The following GADL1 variants were observed in gnomAD, a reference collection of about 807,000 sequenced individuals.
GADL1 encodes the protein acidic amino acid decarboxylase GADL1.
GADL1 carries 71 observed loss-of-function variants against 69.5 expected under a neutral mutation model. That is an observed-to-expected ratio of 1.02 (90% CI 0.84 to 1.25). The LOEUF is 1.25. Among genes scored for constraint, GADL1 ranks in the 50% most tolerant of loss-of-function variants. The probability of loss-of-function intolerance (pLI) is 0.00; values close to 1 mark genes in which losing one functional copy is unlikely to be tolerated. For synonymous variants in GADL1, 254 were observed against 214.4 expected (o/e 1.18, Z -1.62); for missense variants, 737 against 631.8 (o/e 1.17, Z -1.79).
At chr3:30,839,788 T>G (rs1036783938) in intron 8 of GADL1, among the ~76,000 whole-genome samples, 6 of 152,130 alleles carry the variant, frequency 3.9e-5, no homozygotes, top group African/African-American at 1.4e-4. Flanking sequence ...GACTGCATCT[T>G]GTGGCATGAA....
Position 30,771,955 on chromosome 3 carries a change from AAG to A in GADL1, c.1392+6222_1392+6223del, listed in dbSNP as rs776974630. ...ATTCAGGAAATAAATGGGGCAAGGAAAGAGATACTGAAGCCCTCCCTAAAATC... is the reference window on the plus strand; with the variant it reads ...ATTCAGGAAATAAATGGGGCAAGGAAAGATACTGAAGCCCTCCCTAAAATC... On this transcript the variant is annotated intron_variant, in intron 14 of 14. Transcript: ENST00000282538. Among the ~76,000 whole-genome samples, 65 of 152,320 alleles carry A rather than the reference AAG, an allele frequency of 4.3e-4. No individual in the cohort carries two copies. The Middle Eastern group carries it at 0.017, about 40-fold the overall frequency.
intron 14 of GADL1, among the ~76,000 whole-genome samples, chr3:30,752,318 CCTAT>C (rs1277898273): frequency 7.0e-6 from 1 of 142,314 alleles, no homozygotes; most frequent in Admixed American, 6.8e-5. Flanking sequence ...GTTGTAGGGG[CCTAT>C]CTCTCTTGCT....
intron 14 of GADL1, among the ~76,000 whole-genome samples, chr3:30,762,171 T>C (rs1414912948): frequency 6.6e-6 from 1 of 152,090 alleles, no homozygotes; most frequent in African/African-American, 2.4e-5. Flanking sequence ...TCAATGGCTG[T>C]TTATGCAAGG....
At position 30,809,008 on chromosome 3, in the gene GADL1, T is replaced by A. The variant is rs559841465; in HGVS notation, c.1051-7920A>T. On this transcript the variant is annotated intron_variant, in intron 11 of 14. Coordinates refer to ENST00000282538, the MANE Select transcript of GADL1 (RefSeq NM_207359.3). ...ACGGTGGTGGAGAGTGTGCTTCATA[T>A]ACTCAACTCTACTGTAAGAGCTATT... Among the ~76,000 whole-genome samples the A allele has an allele frequency of 2.6e-5, 4 of 152,302 alleles. No homozygotes were observed. In the South Asian group the frequency reaches 8.3e-4, roughly 32 times the overall value.
chr3:30,765,036 C>CTTTT (rs3043001), intron 14 of GADL1, among the ~76,000 whole-genome samples: 66,123 of 151,494 alleles, frequency 0.44, 14,472 homozygotes, highest in African/African-American at 0.45. Flanking sequence ...TGCAAATTGA[C>CTTTT]TTTTTCCTTC....
At chr3:30,839,511 TCTCA>T (rs1004892890) in intron 8 of GADL1, among the ~76,000 whole-genome samples, 1 of 45,020 alleles carries the variant, frequency 2.2e-5, no homozygotes, top group African/African-American at 6.0e-4. Flanking sequence ...ATTGTCATCT[TCTCA>T]AAAAAAAAAA....
At chr3:30,800,840 CA>C in intron 12 of GADL1, 48 bp downstream of exon 12, 1 of 1,265,028 alleles carries the variant, frequency 7.9e-7, no homozygotes, top group Non-Finnish European at 1.1e-6. Flanking sequence ...CACACACACA[CA>C]CACACACACA....
intron 14 of GADL1, among the ~76,000 whole-genome samples, chr3:30,760,806 T>TA (rs1553636337): frequency 1.3e-5 from 2 of 152,062 alleles, no homozygotes; most frequent in African/African-American, 4.8e-5. Context: ...TTTCTTCAGG[T>TA]GGGGGCAGGG....
At chr3:30,826,455 G>GGT (rs1455993183) in intron 11 of GADL1, among the ~76,000 whole-genome samples, 3 of 151,768 alleles carry the variant, frequency 2.0e-5, no homozygotes, top group Non-Finnish European at 4.4e-5. Context: ...ACACCCTCAG[G>GGT]GTTCTGCACA....
chr3:30,796,781 C>T (rs541364761), intron 12 of GADL1, among the ~76,000 whole-genome samples: 3 of 152,194 alleles, frequency 2.0e-5, no homozygotes, highest in African/African-American at 7.2e-5. Flanking sequence ...CTTAAATTAC[C>T]TTTGTTTATA....
intron 12 of GADL1, chr3:30,799,750 C>A (rs554536812): frequency 5.3e-5 from 8 of 152,306 alleles, no homozygotes; most frequent in African/African-American, 1.9e-4. Flanking sequence ...TCCAAGTCAC[C>A]TCTTGAATGC....
intron 14 of GADL1, among the ~76,000 whole-genome samples, chr3:30,776,321 CT>C (rs1028409876): frequency 2.6e-5 from 4 of 152,180 alleles, no homozygotes; most frequent in Non-Finnish European, 2.9e-5. Context: ...CTCTACCCTA[CT>C]AAAAAATGTC....
At chr3:30,755,170 AAACT>A (rs927493702) in intron 14 of GADL1, among the ~76,000 whole-genome samples, 5 of 152,154 alleles carry the variant, frequency 3.3e-5, no homozygotes, top group African/African-American at 1.2e-4. Flanking sequence ...CCCACCACAA[AAACT>A]AACCTGTACC....
At chr3:30,832,981 T>C (rs2125523197) in intron 11 of GADL1, among the ~76,000 whole-genome samples, 1 of 152,130 alleles carries the variant, frequency 6.6e-6, no homozygotes, top group African/African-American at 2.4e-5. Flanking sequence ...TAAAAAGTTG[T>C]AAATAGCTAC....
In GADL1 at chr3:30,785,698, A is replaced by G. The variant is rs151261631; in HGVS notation, c.1302+657T>C. On this transcript the variant is annotated intron_variant, in intron 13 of 14. Transcript: ENST00000282538. ...CAGCTACATTTCTTATGTATAGCACAGGTTCCAAGACTGGAATCTCTAGGT... is the reference window on the plus strand; with the variant it reads ...CAGCTACATTTCTTATGTATAGCACGGGTTCCAAGACTGGAATCTCTAGGT... Among the ~76,000 whole-genome samples, 805 of 152,346 alleles carry G rather than the reference A, an allele frequency of 5.3e-3. 5 individuals are homozygous for G. Among genetic ancestry groups the G allele is most frequent in the African/African-American group, 0.018 (765 of 41,588 alleles).
intron 6 of GADL1, among the ~76,000 whole-genome samples, chr3:30,847,074 C>T (rs1698071570): frequency 6.6e-6 from 1 of 152,276 alleles, no homozygotes; most frequent in South Asian, 2.1e-4. Flanking sequence ...TATACAGGAA[C>T]TTTACAAACA....
chr3:30,810,234 G>C (rs1006582810), intron 11 of GADL1, among the ~76,000 whole-genome samples: 1 of 152,190 alleles, frequency 6.6e-6, no homozygotes, highest in Non-Finnish European at 1.5e-5. Flanking sequence ...TCTGGGTGCT[G>C]TGTGCTAGGT....
chr3:30,784,038 A>C (rs1187155875), intron 13 of GADL1, among the ~76,000 whole-genome samples: 1 of 152,218 alleles, frequency 6.6e-6, no homozygotes, highest in Non-Finnish European at 1.5e-5. Context: ...AAAATAGAGG[A>C]AACTCAAACC....
chr3:30,778,330 A>G, intron 13 of GADL1, 62 bp from the exon 14 acceptor site: 1 of 1,033,958 alleles, frequency 9.7e-7, no homozygotes, highest in East Asian at 2.4e-5. Context: ...GCAATGAAAT[A>G]CTTTTAAAAC....
Sources: allele counts gnomAD v4.1 joint callset (sites outside exome capture counted in the v4.1 genomes callset), GRCh38; gene constraint gnomAD v4.1.1; transcripts MANE v1.5; gene names NCBI Gene and HGNC (gene_info 2026-07-23, HGNC 2026-07-21).